CDC123: variants seen among roughly 807,000 people sequenced by gnomAD.
CDC123 encodes the protein cell division cycle 123.
CDC123 carries 37 observed loss-of-function variants against 54.4 expected under a neutral mutation model. The ratio of observed to expected loss-of-function variants is 0.68; its 90% CI spans 0.52 to 0.89. CDC123 has a LOEUF of 0.89. Among genes scored for constraint, CDC123 ranks in the 40% least tolerant of loss-of-function variants. CDC123 has a pLI of 0.00. For missense variants in CDC123, 361 were observed against 412.1 expected (o/e 0.88, Z 1.07); for synonymous variants, 144 against 136.8 (o/e 1.05, Z -0.37).
At chr10:12,217,745 A>C (rs1207570842) in intron 6 of CDC123, among the ~76,000 whole-genome samples, 1 of 152,226 alleles carries the variant, frequency 6.6e-6, no homozygotes, top group African/African-American at 2.4e-5. Flanking sequence ...AATATTTATC[A>C]TAGAAAAGCA....
In CDC123 at chr10:12,227,336, T is replaced by C. The variant is rs193090475; in HGVS notation, c.441-3612T>C. On this transcript the variant is annotated intron_variant, in intron 6 of 12. Coordinates refer to ENST00000281141, the MANE Select transcript of CDC123 (RefSeq NM_006023.3). Reference sequence around the variant, plus strand: ...AATTGACTTTTCTAAGACCATAAAATACTAGTACGGAGCCCAAGGTCCTGA... The same window carrying C: ...AATTGACTTTTCTAAGACCATAAAACACTAGTACGGAGCCCAAGGTCCTGA... Among the ~76,000 whole-genome samples the C allele has an allele frequency of 6.6e-5, 10 of 152,174 alleles. No individual in the cohort carries two copies. In the East Asian group the frequency reaches 1.9e-3, roughly 29 times the overall value.
chr10:12,236,251 C>T (rs1471250114), intron 8 of CDC123, among the ~76,000 whole-genome samples: 1 of 152,170 alleles, frequency 6.6e-6, no homozygotes, highest in Non-Finnish European at 1.5e-5. Flanking sequence ...TAATTTTTTA[C>T]ATAACAAGAC....
intron 10 of CDC123, 178 bp from the exon 11 acceptor site, chr10:12,245,971 G>T: frequency 1.7e-6 from 1 of 575,392 alleles, no homozygotes; most frequent in South Asian, 2.3e-5. Flanking sequence ...TGAGGAGGCT[G>T]AGGCAGGAGG....
chr10:12,228,409 G>GTT (rs34629160), intron 6 of CDC123, among the ~76,000 whole-genome samples: 2 of 137,872 alleles, frequency 1.5e-5, no homozygotes, highest in African/African-American at 5.1e-5. Context: ...GTTGTTTTTA[G>GTT]TTTTTTTTTT....
chr10:12,204,654 T>C (rs1414039361), intron 2 of CDC123, among the ~76,000 whole-genome samples: 3 of 152,140 alleles, frequency 2.0e-5, no homozygotes, highest in Non-Finnish European at 2.9e-5. Flanking sequence ...TATTTTTAGA[T>C]GTACAGTTAT....
intron 10 of CDC123, among the ~76,000 whole-genome samples, chr10:12,244,055 G>T (rs1588684411): frequency 6.6e-6 from 1 of 152,164 alleles, no homozygotes; most frequent in Admixed American, 6.6e-5. Context: ...TTACCTAAAT[G>T]GGTTGTGCTG....
At chr10:12,211,499 A>G (rs955898692) in intron 4 of CDC123, among the ~76,000 whole-genome samples, 9 of 152,204 alleles carry the variant, frequency 5.9e-5, no homozygotes, top group African/African-American at 1.9e-4. Flanking sequence ...TGCGTGTTTC[A>G]TTTACTCCAG....
chr10:12,245,330 AC>A (rs1326242368), intron 10 of CDC123: 1 of 151,932 alleles, frequency 6.6e-6, no homozygotes, highest in Non-Finnish European at 1.5e-5. Flanking sequence ...ATCACGGCTC[AC>A]AGTAGCCTTG....
intron 2 of CDC123, among the ~76,000 whole-genome samples, chr10:12,201,587 G>A (rs1835440264): frequency 6.6e-6 from 1 of 151,828 alleles, no homozygotes. Context: ...TGTAGCTAGA[G>A]TATGGGGAGT....
At chr10:12,207,006 G>A (rs12414441) in intron 2 of CDC123, among the ~76,000 whole-genome samples, 76,536 of 148,528 alleles carry the variant, frequency 0.52, 20,715 homozygotes, top group Middle Eastern at 0.65. Context: ...ATCCATTTTT[G>A]CCCATTTAAG....
chr10:12,229,368 G>A (rs1347423447), intron 6 of CDC123, among the ~76,000 whole-genome samples: 2 of 152,220 alleles, frequency 1.3e-5, no homozygotes, highest in African/African-American at 4.8e-5. Flanking sequence ...GGCCTCTCAT[G>A]ACCTGGATAC....
chr10:12,226,507 G>C (rs1376812996), intron 6 of CDC123, among the ~76,000 whole-genome samples: 1 of 150,986 alleles, frequency 6.6e-6, no homozygotes, highest in Admixed American at 6.6e-5. Flanking sequence ...AGACGGGGCG[G>C]CCGGGCAGAG....
At chr10:12,235,503 A>G (rs1835967617) in intron 8 of CDC123, among the ~76,000 whole-genome samples, 6 of 152,156 alleles carry the variant, frequency 3.9e-5, no homozygotes, top group Admixed American at 2.6e-4. Context: ...CTTTATTTCT[A>G]TTATTGGGGC....
At chr10:12,210,223 ACTG>A in intron 3 of CDC123, 64 bp from the exon 4 acceptor site, 1 of 1,575,612 alleles carries the variant, frequency 6.3e-7, no homozygotes, top group Non-Finnish European at 8.6e-7. Context: ...TAGATGGAGC[ACTG>A]CTTTTTGAAG....
At chr10:12,246,078 A>G in intron 10 of CDC123, 71 bp from the exon 11 acceptor site, 1 of 1,526,068 alleles carries the variant, frequency 6.6e-7, no homozygotes, top group Non-Finnish European at 8.9e-7. Flanking sequence ...TCAGAATAAA[A>G]AAGTGTTTCT....
intron 7 of CDC123, among the ~76,000 whole-genome samples, chr10:12,231,470 CA>C (rs1320101369): frequency 6.6e-6 from 1 of 151,830 alleles, no homozygotes; most frequent in African/African-American, 2.4e-5. Context: ...ACTAAAAATA[CA>C]AAAATTAGCT....
chr10:12,198,640 A>G lies in CDC123; in HGVS notation c.75-65A>G, dbSNP rs1835396541. On this transcript the variant is annotated intron_variant, in intron 1 of 12. Coordinates refer to ENST00000281141, the MANE Select transcript of CDC123 (RefSeq NM_006023.3). ...CAATTCCAAAATTAATCAAGTGTAGAGATTTTTCTCTCTGCTTATAGTTGG... is the reference window on the plus strand; with the variant it reads ...CAATTCCAAAATTAATCAAGTGTAGGGATTTTTCTCTCTGCTTATAGTTGG... 6 of 838,750 alleles carry G rather than the reference A, an allele frequency of 7.2e-6. No homozygotes were observed. In the East Asian group the frequency reaches 9.7e-5, roughly 14 times the overall value. The allele number at this position is 838,750 out of a possible 1,614,324, so 52.0% of individuals were successfully genotyped here.
intron 10 of CDC123, among the ~76,000 whole-genome samples, chr10:12,239,108 T>C (rs1026393521): frequency 7.2e-5 from 11 of 152,020 alleles, no homozygotes; most frequent in African/African-American, 2.7e-4. Context: ...TGAGCCTTGA[T>C]TGCGCCACTG....
intron 11 of CDC123, 28 bp from the exon 12 acceptor site, chr10:12,249,553 T>C: frequency 6.3e-6 from 10 of 1,598,038 alleles, no homozygotes; most frequent in South Asian, 2.3e-5. Context: ...ATGATTGATA[T>C]TCTTTCTCCT....
Sources: gnomAD v4.1 joint callset for allele counts (sites outside exome capture counted in the v4.1 genomes callset) on GRCh38, gnomAD v4.1.1 for gene constraint, MANE v1.5 for transcripts, NCBI Gene and HGNC (gene_info 2026-07-23, HGNC 2026-07-21) for gene names.